The following CEP44 variants were observed in gnomAD, a reference collection of about 807,000 sequenced individuals.
CEP44 encodes centrosomal protein 44, also known as centrosomal protein of 44 kDa.
In CEP44, 45 loss-of-function variants were observed where a neutral mutation model predicts 46.7. The observed-to-expected ratio is 0.96, with a 90% CI of 0.76 to 1.24. The LOEUF (loss-of-function observed/expected upper bound fraction) is 1.24, where lower values mean the gene tolerates loss of function less well. Ranked by LOEUF, CEP44 falls within the 50% of genes most tolerant of loss-of-function variation. The probability of loss-of-function intolerance (pLI) is 0.00; values close to 1 mark genes in which losing one functional copy is unlikely to be tolerated. For synonymous variants in CEP44, 142 were observed against 146.0 expected, an observed-to-expected ratio of 0.97 and a Z score of 0.20; for missense variants, 475 against 459.7, an observed-to-expected ratio of 1.03 and a Z score of -0.30.
Position 174,296,763 on chromosome 4 carries a change from A to ATTTT in CEP44, c.-147-1185_-147-1182dup, listed in dbSNP as rs202212472. ...TAGATGATATTGTTTGTCCTTACTG[A>ATTTT]TTTTTTTTTTTTTTTTTTTTTGCCT... On this transcript the variant is annotated intron_variant, in intron 1 of 11. Coordinates refer to ENST00000503780, the MANE Select transcript of CEP44 (RefSeq NM_001040157.3). 5.8e-3 allele frequency among the ~76,000 whole-genome samples: 520 copies of ATTTT among 90,384 alleles called. 19 individuals carry two copies. Among genetic ancestry groups the ATTTT allele is most frequent in the Middle Eastern group, 0.012 (1 of 82 alleles). The allele number at this position is 90,384 out of a possible 152,430, so 59.3% of individuals were successfully genotyped here. A position where few individuals can be genotyped will look rare whatever the true frequency, so the allele number is the denominator to read the frequency against.
At position 174,320,141 on chromosome 4, in the gene CEP44, G is replaced by C; in HGVS notation, c.*2758G>C. The C allele has an allele frequency of 1.0e-6, 1 of 984,886 alleles. No homozygotes were observed. Among genetic ancestry groups the C allele is most frequent in the African/African-American group, 1.7e-5 (1 of 57,274 alleles). The allele number at this position is 984,886 out of a possible 1,614,324, so 61.0% of individuals were successfully genotyped here. On this transcript the variant is annotated 3_prime_UTR_variant, in exon 12 of 12. Coordinates refer to ENST00000503780, the MANE Select transcript of CEP44 (RefSeq NM_001040157.3). ...AAAGATTATATGGAAATACTATAAAGAATACATAAGGTAAAATACTAGTCA... is the reference window on the plus strand; with the variant it reads ...AAAGATTATATGGAAATACTATAAACAATACATAAGGTAAAATACTAGTCA...
At chr4:174,317,058 G>T (rs1443665910) in intron 11 of CEP44, among the ~76,000 whole-genome samples, 1 of 151,628 alleles carries the variant, frequency 6.6e-6, no homozygotes, top group Non-Finnish European at 1.5e-5. Context: ...AAATGAAATT[G>T]CATATAAGAT....
Position 174,326,533 on chromosome 4 carries a change from A to T in CEP44, c.1087-4949A>T, listed in dbSNP as rs891639490. On this transcript the variant is annotated intron_variant, in intron 8 of 8. Coordinates refer to the CEP44 transcript ENST00000426172. The surrounding 1 kb of genome is among the most constrained non-coding windows in gnomAD (Gnocchi z 4.8). Reference sequence around the variant, plus strand: ...GCTATAAGCAATCCATTATCTTTTTAAAAGGTTTAAATAATTTTTTAAAAG... The same window carrying T: ...GCTATAAGCAATCCATTATCTTTTTTAAAGGTTTAAATAATTTTTTAAAAG... Among the ~76,000 whole-genome samples, 1 of 152,032 alleles carries T rather than the reference A, an allele frequency of 6.6e-6. No individual in the cohort carries two copies. The highest frequency in any genetic ancestry group is 1.5e-5 in the Non-Finnish European group (1 of 67,952).
downstream of CEP44, among the ~76,000 whole-genome samples, chr4:174,323,275 G>A (rs1180272180): frequency 1.3e-5 from 2 of 152,118 alleles, no homozygotes; most frequent in African/African-American, 4.8e-5. Flanking sequence ...AGAGATTGTT[G>A]ATATTAGAAA....
intron 1 of CEP44, among the ~76,000 whole-genome samples, chr4:174,294,833 G>T (rs567920984): frequency 0.013 from 1,871 of 138,706 alleles, 17 homozygotes; most frequent in African/African-American, 0.024. Context: ...TCCCGGACGG[G>T]ACGGCTGGCC....
At position 174,318,082 on chromosome 4, in the gene CEP44, G is replaced by A; in HGVS notation, c.*699G>A. On this transcript the variant is annotated 3_prime_UTR_variant, in exon 12 of 12. Transcript: ENST00000503780. ...TATTGTATAATTTTTTTGGAGGGGG[G>A]GATGGAGTTTCGCTGTTGTTGCCCA... The A allele has an allele frequency of 1.0e-6, 1 of 984,872 alleles. No individual in the cohort carries two copies. The highest frequency in any genetic ancestry group is 5.2e-4 in the Middle Eastern group (1 of 1,910). 61.0% of individuals were successfully genotyped at this position (984,872 alleles called of 1,614,324 possible).
At chr4:174,289,781 T>C (rs1419964801) in intron 1 of CEP44, among the ~76,000 whole-genome samples, 2 of 152,106 alleles carry the variant, frequency 1.3e-5, no homozygotes, top group Non-Finnish European at 1.5e-5. Context: ...ATTTTGGATT[T>C]AGTTTGTTCT....
intron 2 of CEP44, among the ~76,000 whole-genome samples, chr4:174,298,271 G>C (rs1402593545): frequency 6.8e-6 from 1 of 147,364 alleles, no homozygotes; most frequent in Admixed American, 6.8e-5. Context: ...CGCCTCCCGG[G>C]TTCACGCCAT....
rs899666955 is a variant in CEP44 at position 174,296,630 on chromosome 4, C to T, written c.-147-1336C>T. On this transcript the variant is annotated intron_variant, in intron 1 of 11. Transcript: ENST00000503780. The stretch of plus-strand genomic sequence containing the variant: ...AAATGTGTTAAGGTATGCCTTATGA[C>T]GCCAAAGATAGTCTATCTTGGTGGA... Among the ~76,000 whole-genome samples the T allele has an allele frequency of 9.2e-5, 14 of 151,874 alleles. No homozygotes were observed. The East Asian group carries it at 1.3e-3, about 15-fold the overall frequency.
chr4:174,287,307 A>G lies in CEP44; in HGVS notation c.-148+3364A>G, dbSNP rs1391577045. The stretch of plus-strand genomic sequence containing the variant: ...TGGTTCTTTATTATGATAAGTACCA[A>G]GAAGGAAAAGAACTGGGTCTATTAG... On this transcript the variant is annotated intron_variant, in intron 1 of 11. Transcript: ENST00000503780. The surrounding 1 kb of genome is among the most constrained non-coding windows in gnomAD (Gnocchi z 5.1). Among the ~76,000 whole-genome samples the G allele has an allele frequency of 6.6e-6, 1 of 152,168 alleles. No individual in the cohort carries two copies. Among genetic ancestry groups the G allele is most frequent in the African/African-American group, 2.4e-5 (1 of 41,440 alleles).
chr4:174,291,748 A>C (rs1369306690), intron 1 of CEP44, among the ~76,000 whole-genome samples: 1 of 132,182 alleles, frequency 7.6e-6, no homozygotes, highest in Non-Finnish European at 1.7e-5. Context: ...AATCTGAGGA[A>C]GTTTTCATGT....
At position 174,317,965 on chromosome 4, in the gene CEP44, A is replaced by G; in HGVS notation, c.*582A>G. ...AGATTCTCCTTTTGTACTGGGAAACAGGCTGGAGGACTATGGTCCTCAAGT... is the reference window on the plus strand; with the variant it reads ...AGATTCTCCTTTTGTACTGGGAAACGGGCTGGAGGACTATGGTCCTCAAGT... On this transcript the variant is annotated 3_prime_UTR_variant, in exon 12 of 12. Coordinates refer to ENST00000503780, the MANE Select transcript of CEP44 (RefSeq NM_001040157.3). 1.0e-6 allele frequency: 1 copy of G among 985,356 alleles called. No individual in the cohort carries two copies. Among genetic ancestry groups the G allele is most frequent in the Non-Finnish European group, 1.2e-6 (1 of 829,838 alleles). The allele number at this position is 985,356 out of a possible 1,614,324, so 61.0% of individuals were successfully genotyped here.
chr4:174,326,933 G>T lies in CEP44; in HGVS notation c.1087-4549G>T, dbSNP rs1281266846. Among the ~76,000 whole-genome samples, 1 of 151,548 alleles carries T rather than the reference G, an allele frequency of 6.6e-6. No homozygotes were observed. Among genetic ancestry groups the T allele is most frequent in the African/African-American group, 2.4e-5 (1 of 41,304 alleles). The stretch of plus-strand genomic sequence containing the variant: ...ACTTTGTCTGCTTTGCTACATTTGA[G>T]ATTTCTCATTACCACTGATTTTCAG... On this transcript the variant is annotated intron_variant, in intron 8 of 8. Transcript: ENST00000426172. This position sits in a 1 kb window ranked among gnomAD's most constrained non-coding sequence, Gnocchi z 4.8.
In CEP44 at chr4:174,326,918, C is replaced by G. The variant is rs1223294450; in HGVS notation, c.1087-4564C>G. ...AATCTGTCTTTTTTTACTTTGTCTGCTTTGCTACATTTGAGATTTCTCATT... is the reference window on the plus strand; with the variant it reads ...AATCTGTCTTTTTTTACTTTGTCTGGTTTGCTACATTTGAGATTTCTCATT... On this transcript the variant is annotated intron_variant, in intron 8 of 8. Transcript: ENST00000426172. This position sits in a 1 kb window ranked among gnomAD's most constrained non-coding sequence, Gnocchi z 4.8. 6.6e-6 allele frequency among the ~76,000 whole-genome samples: 1 copy of G among 151,622 alleles called. No individual in the cohort carries two copies. The highest frequency in any genetic ancestry group is 2.4e-5 in the African/African-American group (1 of 41,302).
Position 174,316,177 on chromosome 4 carries a change from G to A in CEP44, c.973G>A (p.Glu325Lys), listed in dbSNP as rs746801628. 8.1e-6 allele frequency: 13 copies of A among 1,612,168 alleles called. No homozygotes were observed. The highest frequency in any genetic ancestry group is 5.0e-5 in the Admixed American group (3 of 59,484). ...MDLLNPHRKSEVERPASIPLS... is the reference protein window; with the variant it reads ...MDLLNPHRKSKVERPASIPLS... ...TAATTTCTTCACAGACAGAAAAAGC[G>A]AAGTAGAGAGGCCAGCAAGTATTCC... The change falls in exon 10 of 12, where the codon GAA becomes AAA. Residue 325 changes from glutamate (E) to lysine (K), a missense_variant. Transcript: ENST00000503780.
At chr4:174,303,553 A>G (rs537254733) in intron 4 of CEP44, 150 bp from the exon 5 acceptor site, 6 of 454,598 alleles carry the variant, frequency 1.3e-5, no homozygotes, top group African/African-American at 9.9e-5. Context: ...CACCAGCCCT[A>G]TGAATTACTT....
rs181055231 is a variant in CEP44, at chr4:174,290,889, A to G, written c.-148+6946A>G. Among the ~76,000 whole-genome samples the G allele has an allele frequency of 5.9e-5, 9 of 152,260 alleles. No homozygotes were observed. The highest frequency in any genetic ancestry group is 1.3e-4 in the Admixed American group (2 of 15,302). ...TTTCTATTGAATTGACCCTTTTACT[A>G]TTATATAATGCCTTCTTTGTCTCTT... On this transcript the variant is annotated intron_variant, in intron 1 of 11. Coordinates refer to ENST00000503780, the MANE Select transcript of CEP44 (RefSeq NM_001040157.3). This position sits in a 1 kb window ranked among gnomAD's most constrained non-coding sequence, Gnocchi z 4.3.
At position 174,310,965 on chromosome 4, in the gene CEP44, C is replaced by A; in HGVS notation, c.961+107C>A. ...TTTATTGTTTAGAAATTGCAAAGCT[C>A]CTAGAACAAAGAACATAATGAACCT... On this transcript the variant is annotated intron_variant, in intron 9 of 11. Coordinates refer to ENST00000503780, the MANE Select transcript of CEP44 (RefSeq NM_001040157.3). The surrounding 1 kb of genome is among the most constrained non-coding windows in gnomAD (Gnocchi z 4.2). 2 of 570,088 alleles carry A rather than the reference C, an allele frequency of 3.5e-6. No homozygotes were observed. The highest frequency in any genetic ancestry group is 6.1e-6 in the Non-Finnish European group (2 of 327,822). 35.3% of individuals were successfully genotyped at this position (570,088 alleles called of 1,614,324 possible).
intron 8 of CEP44, among the ~76,000 whole-genome samples, chr4:174,327,227 CA>C (rs947322250): frequency 4.1e-5 from 6 of 148,118 alleles, no homozygotes; most frequent in African/African-American, 9.9e-5. Flanking sequence ...TAAATGGTAT[CA>C]AAAAAACAAA....
Sources: gnomAD v4.1 joint callset for allele counts (sites outside exome capture counted in the v4.1 genomes callset) on GRCh38, gnomAD v4.1.1 for gene constraint, Gnocchi (gnomAD v3.1) non-coding constraint, MANE v1.5 for transcripts, NCBI Gene and HGNC (gene_info 2026-07-23, HGNC 2026-07-21) for gene names.